Variants in PDCD11 observed in about 807,000 individuals in gnomAD.
PDCD11 encodes protein RRP5 homolog.
In PDCD11, 97 loss-of-function variants were observed where a neutral mutation model predicts 198.9. The ratio of observed to expected loss-of-function variants is 0.49; its 90% CI spans 0.41 to 0.58. The LOEUF (loss-of-function observed/expected upper bound fraction) is 0.58, where lower values mean the gene tolerates loss of function less well. Ranked by LOEUF, PDCD11 falls within the 20% of genes least tolerant of loss-of-function variation. The pLI is 0.00. For missense variants in PDCD11, 2,102 were observed against 2,312.7 expected (o/e 0.91, Z 1.87); for synonymous variants, 893 against 918.0 (o/e 0.97, Z 0.49).
Position 103,405,114 on chromosome 10 carries a change from T to G in PDCD11, c.495T>G (p.Ser165Arg). The part of the protein sequence containing the change: ...SLGITDRGKK[S>R]VKLSLNPKNV... ...GCATCACAGACAGGGGCAAGAAGAG[T>G]GTCAAGCTGTCTCTGAACCCCAAAA... Residue 165 changes from serine to arginine, a missense_variant, in exon 5 of 36, where the codon AGT becomes AGG. Ser to Arg is a moderately radical substitution (Grantham distance 110). Coordinates refer to ENST00000369797, the MANE Select transcript of PDCD11 (RefSeq NM_014976.2). 6.2e-7 allele frequency: 1 copy of G among 1,613,990 alleles called. No individual in the cohort carries two copies. Among genetic ancestry groups the G allele is most frequent in the Non-Finnish European group, 8.5e-7 (1 of 1,179,974 alleles).
chr10:103,407,828 C>G (rs538315358), intron 7 of PDCD11, among the ~76,000 whole-genome samples: 1 of 152,142 alleles, frequency 6.6e-6, no homozygotes, highest in African/African-American at 2.4e-5. Flanking sequence ...AAGCGATCCC[C>G]CTGCCTCAGC....
chr10:103,424,867 G>A, intron 19 of PDCD11, 117 bp from the exon 20 acceptor site: 2 of 1,163,282 alleles, frequency 1.7e-6, no homozygotes. Flanking sequence ...CCAGCCTTGA[G>A]TTCCCTAGCC....
At chr10:103,422,872 T>A in intron 17 of PDCD11, 116 bp from the exon 18 acceptor site, 1 of 988,050 alleles carries the variant, frequency 1.0e-6, no homozygotes, top group Non-Finnish European at 1.4e-6. Flanking sequence ...TGATTTTACC[T>A]TGTCAGTGGT....
intron 15 of PDCD11, among the ~76,000 whole-genome samples, chr10:103,419,160 T>C (rs1301506138): frequency 6.6e-6 from 1 of 152,092 alleles, no homozygotes; most frequent in African/African-American, 2.4e-5. Flanking sequence ...GAGGGAGTAG[T>C]AGAGGATTGT....
At position 103,421,467 on chromosome 10, in the gene PDCD11, G is replaced by C. The variant is rs754729629; in HGVS notation, c.2397G>C (p.Leu799=). 6 of 1,601,966 alleles carry C rather than the reference G, an allele frequency of 3.7e-6. No individual in the cohort carries two copies. Among genetic ancestry groups the C allele is most frequent in the Non-Finnish European group, 4.3e-6 (5 of 1,174,310 alleles). ...EKQRMLLSLR[L]SDCGLGDLAI... ...AGCGGATGCTGCTGTCACTGCGGCT[G>C]TCGGACTGTGGTCTGGGGGACTTGG... The change falls in exon 17 of 36, where the codon CTG becomes CTC. Residue 799 remains leucine, a synonymous_variant. Coordinates refer to ENST00000369797, the MANE Select transcript of PDCD11 (RefSeq NM_014976.2).
rs368105137 is a variant in PDCD11, at chr10:103,415,031, T to C, written c.1398T>C (p.Tyr466=). The change falls in exon 12 of 36, where the codon TAT becomes TAC. Residue 466 remains tyrosine, a synonymous_variant. Transcript: ENST00000369797. ...GCACAGTGCTAACCATAAAGTCATATGGGATGCTGGTGAAGGTGGGCGAGC... is the reference window on the plus strand; with the variant it reads ...GCACAGTGCTAACCATAAAGTCATACGGGATGCTGGTGAAGGTGGGCGAGC... The part of the protein sequence containing the change: ...VKGTVLTIKS[Y]GMLVKVGEQM... The C allele has an allele frequency of 1.2e-6, 2 of 1,614,002 alleles. No individual in the cohort carries two copies. The highest frequency in any genetic ancestry group is 2.7e-5 in the African/African-American group (2 of 74,910).
rs758552287 is a variant in PDCD11 at position 103,443,342 on chromosome 10, T to C, written c.5124+9T>C. 23 of 1,597,724 alleles carry C rather than the reference T, an allele frequency of 1.4e-5. No individual in the cohort carries two copies. Among genetic ancestry groups the C allele is most frequent in the East Asian group, 4.5e-5 (2 of 44,480 alleles). On this transcript the variant is annotated intron_variant, in intron 33 of 35. Coordinates refer to ENST00000369797, the MANE Select transcript of PDCD11 (RefSeq NM_014976.2). ...AGTCAGAGAAATTCCAGGTAGGAGGTTGGGCCACAGACGAACTCCTGGGAG... is the reference window on the plus strand; with the variant it reads ...AGTCAGAGAAATTCCAGGTAGGAGGCTGGGCCACAGACGAACTCCTGGGAG...
intron 1 of PDCD11, among the ~76,000 whole-genome samples, chr10:103,398,068 A>C (rs936029421): frequency 6.6e-6 from 1 of 152,188 alleles, no homozygotes; most frequent in Non-Finnish European, 1.5e-5. Flanking sequence ...TAATTGTTTT[A>C]TCTTCCAAAA....
At chr10:103,409,008 C>T (rs140736137) in intron 7 of PDCD11, among the ~76,000 whole-genome samples, 4 of 152,210 alleles carry the variant, frequency 2.6e-5, no homozygotes, top group Admixed American at 2.0e-4. Flanking sequence ...AGAATGAGTA[C>T]GAGAAAGGGG....
chr10:103,414,565 A>C (rs1182743973), intron 11 of PDCD11, among the ~76,000 whole-genome samples: 1 of 152,122 alleles, frequency 6.6e-6, no homozygotes, highest in Admixed American at 6.5e-5. Flanking sequence ...ATAAATCCTG[A>C]GATTTGGGAT....
Position 103,442,452 on chromosome 10 carries a change from C to T in PDCD11, c.4947C>T (p.Ile1649=). The part of the protein sequence containing the change: ...RAVAERALKT[I]SFREEQEKLN... ...TGGCTGAGAGGGCCCTTAAGACCAT[C>T]TCCTTCAGGTCTCAGCTTTGCCCCA... Residue 1649 remains isoleucine, a synonymous_variant, in exon 32 of 36, where the codon ATC becomes ATT. Transcript: ENST00000369797. 6.2e-7 allele frequency: 1 copy of T among 1,613,492 alleles called. No homozygotes were observed. Among genetic ancestry groups the T allele is most frequent in the Non-Finnish European group, 8.5e-7 (1 of 1,179,790 alleles).
chr10:103,416,658 C>T lies in PDCD11; in HGVS notation c.1686C>T (p.Tyr562=), dbSNP rs766813032. ...VKDYGCIVKF[Y]NNVQGLVPKH... ...ACTATGGCTGCATTGTGAAGTTCTA[C>T]AACAATGTGCAGGGACTGGTGCCCA... Residue 562 remains tyrosine, a synonymous_variant, in exon 13 of 36, where the codon TAC becomes TAT. Transcript: ENST00000369797. 1 of 1,614,154 alleles carries T rather than the reference C, an allele frequency of 6.2e-7. No individual in the cohort carries two copies. Among genetic ancestry groups the T allele is most frequent in the Non-Finnish European group, 8.5e-7 (1 of 1,179,974 alleles).
At chr10:103,437,149 C>G (rs997175677) in intron 25 of PDCD11, among the ~76,000 whole-genome samples, 1 of 152,112 alleles carries the variant, frequency 6.6e-6, no homozygotes, top group South Asian at 2.1e-4. Context: ...CTCTCCCTCC[C>G]CTTTCTTTCT....
intron 21 of PDCD11, among the ~76,000 whole-genome samples, chr10:103,429,618 G>A (rs1592134543): frequency 1.3e-5 from 2 of 151,956 alleles, no homozygotes; most frequent in Non-Finnish European, 2.9e-5. Context: ...ATTTTTTACA[G>A]TAAAAAATTA....
intron 35 of PDCD11, 42 bp from the exon 36 acceptor site, chr10:103,445,336 C>G (rs766108353): frequency 1.2e-5 from 19 of 1,606,580 alleles, no homozygotes; most frequent in Middle Eastern, 1.7e-4. Flanking sequence ...AGCACGTGAC[C>G]TGGGACTGAC....
chr10:103,440,983 C>T (rs1014132533), intron 30 of PDCD11, 133 bp downstream of exon 30: 43 of 628,868 alleles, frequency 6.8e-5, no homozygotes, highest in South Asian at 1.8e-4. Flanking sequence ...CTCCATTGAC[C>T]GTCAGCTCCT....
chr10:103,403,186 T>C lies in PDCD11; in HGVS notation c.303T>C (p.Ser101=). 6.2e-7 allele frequency: 1 copy of C among 1,614,064 alleles called. No homozygotes were observed. The highest frequency in any genetic ancestry group is 1.7e-5 in the Admixed American group (1 of 60,018). ...KEVNELELVI[S]LPNGLQGFVQ... is the part of the protein sequence containing the mutation. ...TGAATGAACTGGAACTGGTGATTAG[T>C]CTCCCCAATGGCCTCCAGGGCTTTG... Residue 101 remains serine (S), a synonymous_variant, in exon 4 of 36, where the codon AGT becomes AGC. Coordinates refer to ENST00000369797, the MANE Select transcript of PDCD11 (RefSeq NM_014976.2).
At chr10:103,429,025 T>G (rs1020556283) in intron 21 of PDCD11, among the ~76,000 whole-genome samples, 17 of 152,194 alleles carry the variant, frequency 1.1e-4, no homozygotes, top group African/African-American at 4.1e-4. Flanking sequence ...TATTTTGAAG[T>G]CAGGATGAAA....
In PDCD11 at chr10:103,415,020, A is replaced by G. The variant is rs748974928; in HGVS notation, c.1387A>G (p.Ile463Val). 5.6e-6 allele frequency: 9 copies of G among 1,614,040 alleles called. No homozygotes were observed. Among genetic ancestry groups the G allele is most frequent in the South Asian group, 5.5e-5 (5 of 91,076 alleles). The stretch of plus-strand genomic sequence containing the variant: ...GATTCTCTAGGGCACAGTGCTAACC[A>G]TAAAGTCATATGGGATGCTGGTGAA... Reference protein sequence around the residue: ...GAVVKGTVLTIKSYGMLVKVG... With the variant: ...GAVVKGTVLTVKSYGMLVKVG... The change falls in exon 12 of 36, where the codon ATA (isoleucine) becomes GTA (valine). Residue 463 changes from isoleucine (I) to valine (V), a missense_variant. Transcript: ENST00000369797.
Sources: allele counts gnomAD v4.1 joint callset (sites outside exome capture counted in the v4.1 genomes callset), GRCh38; gene constraint gnomAD v4.1.1; transcripts MANE v1.5; gene names NCBI Gene and HGNC (gene_info 2026-07-23, HGNC 2026-07-21).